SMUG1: variants seen among roughly 807,000 people sequenced by gnomAD.
The protein encoded by SMUG1 is single-strand-selective monofunctional uracil-DNA glycosylase 1, also known as single-strand selective monofunctional uracil DNA glycosylase.
A neutral mutation model predicts 23.9 loss-of-function variants in SMUG1; 13 were observed. The observed-to-expected ratio is 0.54, with a 90% confidence interval of 0.35 to 0.86. The LOEUF (loss-of-function observed/expected upper bound fraction) is 0.86, where lower values mean the gene tolerates loss of function less well. Among genes scored for constraint, SMUG1 ranks in the 40% least tolerant of loss-of-function variants. The pLI, the probability that SMUG1 is intolerant of heterozygous loss-of-function variation, is 0.01. For missense variants in SMUG1, 313 were observed against 339.5 expected, an observed-to-expected ratio of 0.92 and a Z score of 0.61; for synonymous variants, 133 against 139.8, an observed-to-expected ratio of 0.95 and a Z score of 0.34.
Position 54,181,568 on chromosome 12 carries a change from TG to T in SMUG1, c.*527del. On this transcript the variant is annotated 3_prime_UTR_variant, in exon 4 of 4. Coordinates refer to ENST00000682136, the MANE Select transcript of SMUG1 (RefSeq NM_001243787.2). ...TCTTCTGACTTGCACTCTGTCACAC[TG>T]GATTTTTCCTCTGATCCAGCTGCAG... The T allele has an allele frequency of 6.4e-7, 1 of 1,555,952 alleles. No individual in the cohort carries two copies. The highest frequency in any genetic ancestry group is 8.6e-7 in the Non-Finnish European group (1 of 1,157,210).
In SMUG1 at chr12:54,182,190, G is replaced by T; in HGVS notation, c.719C>A (p.Pro240His). ...PEVQVEGLLHPSPRNPQANKG... is the reference protein window; with the variant it reads ...PEVQVEGLLHHSPRNPQANKG... ...GTTGGCCTGTGGGTTACGGGGAGAG[G>T]GATGCAGGAGCCCTTCCACCTGGAC... Residue 240 changes from proline (P) to histidine (H), a missense_variant, in exon 4 of 4, where the codon CCC (proline) becomes CAC (histidine). Physicochemically the swap from Pro to His is moderately conservative, Grantham distance 77. Transcript: ENST00000682136. 1 of 1,610,928 alleles carries T rather than the reference G, an allele frequency of 6.2e-7. No individual in the cohort carries two copies. Among genetic ancestry groups the T allele is most frequent in the South Asian group, 1.1e-5 (1 of 90,818 alleles).
At chr12:54,163,388 G>T (rs1565798111), downstream of SMUG1, among the ~76,000 whole-genome samples, 1 of 152,134 alleles carries the variant, frequency 6.6e-6, no homozygotes, top group Non-Finnish European at 1.5e-5. Context: ...ATGGGGGTGA[G>T]AATAGTAGCT....
chr12:54,176,108 C>T (rs547163675), downstream of SMUG1, among the ~76,000 whole-genome samples: 1 of 152,278 alleles, frequency 6.6e-6, no homozygotes, highest in South Asian at 2.1e-4. Context: ...TGCCTGTAAT[C>T]CCAGCTACTC....
At chr12:54,174,806 A>G (rs11611943) in intron 2 of SMUG1, among the ~76,000 whole-genome samples, 19,524 of 152,290 alleles carry the variant, frequency 0.13, 1,597 homozygotes, top group Non-Finnish European at 0.18. Flanking sequence ...AAGAATGGAC[A>G]AGATGTACAG....
downstream of SMUG1, among the ~76,000 whole-genome samples, chr12:54,178,972 C>T (rs1045391813): frequency 6.6e-6 from 1 of 152,330 alleles, no homozygotes; most frequent in African/African-American, 2.4e-5. Context: ...GTGAAAGAAG[C>T]TGACTTGCTG....
intron 2 of SMUG1, among the ~76,000 whole-genome samples, chr12:54,186,105 C>T (rs556908656): frequency 3.3e-4 from 50 of 152,328 alleles, no homozygotes; most frequent in African/African-American, 1.1e-3. Flanking sequence ...CAACCAAATA[C>T]ACTCCTGAAG....
In SMUG1 at chr12:54,166,088, C is replaced by T. The variant is rs115456533; in HGVS notation, c.*53-610G>A. On this transcript the variant is annotated intron_variant and NMD_transcript_variant, in intron 3 of 4. Coordinates refer to the SMUG1 transcript ENST00000509864. Reference sequence around the variant, plus strand: ...ATATAAAAGTTGGAGCCCGGTGGAGCGCAGTGGCTCACGCCTGTAATCCCA... The same window carrying T: ...ATATAAAAGTTGGAGCCCGGTGGAGTGCAGTGGCTCACGCCTGTAATCCCA... 2.4e-4 allele frequency among the ~76,000 whole-genome samples: 37 copies of T among 152,312 alleles called. No individual in the cohort carries two copies. The East Asian group carries it at 7.1e-3, about 29-fold the overall frequency.
chr12:54,185,241 G>A (rs940912614), intron 2 of SMUG1, among the ~76,000 whole-genome samples: 1 of 151,666 alleles, frequency 6.6e-6, no homozygotes, highest in African/African-American at 2.4e-5. Context: ...AAAGGTGGAG[G>A]TTGCGGTGAG....
intron 3 of SMUG1, among the ~76,000 whole-genome samples, chr12:54,170,999 CTTTT>C (rs200562796): frequency 3.7e-4 from 53 of 142,452 alleles, no homozygotes; most frequent in Middle Eastern, 3.7e-3. Flanking sequence ...TTCTTTCTTT[CTTTT>C]TTTTTTTTTT....
intron 2 of SMUG1, among the ~76,000 whole-genome samples, chr12:54,186,348 TTG>T (rs200889995): frequency 2.8e-4 from 27 of 97,198 alleles, no homozygotes; most frequent in South Asian, 6.4e-4. Flanking sequence ...TTGTTTTGTT[TTG>T]TTTTTTTTTT....
intron 3 of SMUG1, chr12:54,182,989 G>T (rs1592380800): frequency 4.5e-6 from 1 of 222,856 alleles, no homozygotes; most frequent in Admixed American, 5.4e-5. Context: ...GCACAAGGAT[G>T]GGCTGACCAC....
intron 2 of SMUG1, among the ~76,000 whole-genome samples, chr12:54,173,665 G>T (rs992536366): frequency 6.6e-6 from 1 of 151,946 alleles, no homozygotes; most frequent in Non-Finnish European, 1.5e-5. Flanking sequence ...CAGAGCGGCC[G>T]CCCGCCCCCG....
At chr12:54,178,863 T>C (rs945670549), downstream of SMUG1, among the ~76,000 whole-genome samples, 1 of 152,176 alleles carries the variant, frequency 6.6e-6, no homozygotes, top group Non-Finnish European at 1.5e-5. Flanking sequence ...GTTAGTAGAC[T>C]GGGAGAGGAA....
chr12:54,175,349 G>C (rs1487616604), intron 2 of SMUG1, among the ~76,000 whole-genome samples: 1 of 152,186 alleles, frequency 6.6e-6, no homozygotes, highest in African/African-American at 2.4e-5. Flanking sequence ...GTTCTGAAAG[G>C]AAGCTCCACT....
At chr12:54,175,363 C>T (rs1440792072), downstream of SMUG1, among the ~76,000 whole-genome samples, 1 of 152,234 alleles carries the variant, frequency 6.6e-6, no homozygotes, top group Non-Finnish European at 1.5e-5. Context: ...CTCCACTTCT[C>T]ATCTTCCATA....
At chr12:54,168,973 C>A (rs1013297953) in intron 3 of SMUG1, among the ~76,000 whole-genome samples, 1 of 152,200 alleles carries the variant, frequency 6.6e-6, no homozygotes, top group Non-Finnish European at 1.5e-5. Flanking sequence ...CAGAAGCATA[C>A]TCAACCATGC....
exon 4 of SMUG1, chr12:54,165,462 A>G (rs1035860510): frequency 6.6e-6 from 1 of 152,256 alleles, no homozygotes; most frequent in African/African-American, 2.4e-5. Context: ...GCTTCAGCCC[A>G]GGAGTTCCAG....
intron 4 of SMUG1, among the ~76,000 whole-genome samples, chr12:54,159,615 C>A (rs1363990117): frequency 6.6e-6 from 1 of 152,138 alleles, no homozygotes; most frequent in Admixed American, 6.5e-5. Flanking sequence ...GGAAAATGGT[C>A]TCTTGTGTAC....
intron 3 of SMUG1, among the ~76,000 whole-genome samples, chr12:54,167,443 C>A (rs1260758211): frequency 1.3e-5 from 2 of 152,176 alleles, no homozygotes; most frequent in Non-Finnish European, 2.9e-5. Context: ...CAAAGCCTGA[C>A]CAAGCCTCCA....
Sources: gnomAD v4.1 joint callset for allele counts (sites outside exome capture counted in the v4.1 genomes callset) on GRCh38, gnomAD v4.1.1 for gene constraint, MANE v1.5 for transcripts, NCBI Gene and HGNC (gene_info 2026-07-23, HGNC 2026-07-21) for gene names.